The following CENPP variants were observed in gnomAD, a reference collection of about 807,000 sequenced individuals.
CENPP encodes centromere protein P.
CENPP carries 24 observed loss-of-function variants against 35.6 expected under a neutral mutation model. The ratio of observed to expected loss-of-function variants is 0.67; its 90% CI spans 0.49 to 0.95. CENPP has a LOEUF of 0.95. CENPP is among the 40% of genes least tolerant of loss of function. The pLI is 0.00. For synonymous variants in CENPP, 120 were observed against 125.5 expected, an observed-to-expected ratio of 0.96 and a Z score of 0.29; for missense variants, 332 against 345.3, an observed-to-expected ratio of 0.96 and a Z score of 0.31.
intron 5 of CENPP, among the ~76,000 whole-genome samples, chr9:92,446,993 T>TAA (rs2131013552): frequency 6.6e-6 from 1 of 152,086 alleles, no homozygotes; most frequent in Non-Finnish European, 1.5e-5. Flanking sequence ...ACAGAGTAGC[T>TAA]ACCTGTGGGG....
intron 5 of CENPP, among the ~76,000 whole-genome samples, chr9:92,540,964 T>C (rs1487269339): frequency 1.3e-5 from 2 of 151,818 alleles, no homozygotes; most frequent in East Asian, 3.9e-4. Flanking sequence ...ATTTTTTCTT[T>C]TTTAAAAAAT....
chr9:92,499,312 A>G (rs1405210421), intron 5 of CENPP, among the ~76,000 whole-genome samples: 1 of 152,194 alleles, frequency 6.6e-6, no homozygotes, highest in African/African-American at 2.4e-5. Flanking sequence ...GAAAGAACTG[A>G]GCTTTTTTCT....
In CENPP at chr9:92,495,904, T is replaced by C. The variant is rs79708497; in HGVS notation, c.565-115410T>C. ...ACACTTATTCATAAATTCTGCCTGC[T>C]TTTTTTGTTGTCATTATGCTTCTTA... On this transcript the variant is annotated intron_variant, in intron 5 of 7. Coordinates refer to ENST00000375587, the MANE Select transcript of CENPP (RefSeq NM_001012267.3). 1,082 of 983,848 alleles carry C rather than the reference T, an allele frequency of 1.1e-3. 8 individuals carry two copies. In the African/African-American group the frequency reaches 0.014, roughly 13 times the overall value. 60.9% of individuals were successfully genotyped at this position (983,848 alleles called of 1,614,324 possible).
intron 5 of CENPP, among the ~76,000 whole-genome samples, chr9:92,412,140 G>A (rs963676259): frequency 1.2e-4 from 19 of 152,002 alleles, no homozygotes; most frequent in Admixed American, 1.2e-3. Context: ...AGGGTGGAGT[G>A]CAGAAGCATG....
chr9:92,530,445 C>A (rs1220995072), intron 5 of CENPP, among the ~76,000 whole-genome samples: 1 of 151,894 alleles, frequency 6.6e-6, no homozygotes, highest in Non-Finnish European at 1.5e-5. Context: ...TCATTTTATG[C>A]CAATAAAAAG....
intron 5 of CENPP, among the ~76,000 whole-genome samples, chr9:92,557,674 T>G (rs1372219788): frequency 6.6e-6 from 1 of 152,150 alleles, no homozygotes; most frequent in Non-Finnish European, 1.5e-5. Context: ...GACAGAGTCT[T>G]GCTCTGTCGC....
rs991502691 is a variant in CENPP, at chr9:92,616,605, C to A, written c.*3456C>A. The A allele has an allele frequency of 2.0e-5, 3 of 152,914 alleles. No homozygotes were observed. The highest frequency in any genetic ancestry group is 7.2e-5 in the African/African-American group (3 of 41,444). The allele number at this position is 152,914 out of a possible 1,614,324, so 9.5% of individuals were successfully genotyped here. ...TCCTTTGGTTCACATTTGAAGAGAT[C>A]TGGTTTCTCATTTTATTCTCAAATT... On this transcript the variant is annotated 3_prime_UTR_variant, in exon 8 of 8. Coordinates refer to ENST00000375587, the MANE Select transcript of CENPP (RefSeq NM_001012267.3).
chr9:92,370,812 C>T (rs1841989625), intron 4 of CENPP, among the ~76,000 whole-genome samples: 1 of 152,120 alleles, frequency 6.6e-6, no homozygotes, highest in Admixed American at 6.6e-5. Flanking sequence ...TCTCACTACT[C>T]ATTATGTTCA....
intron 5 of CENPP, chr9:92,403,295 A>G (rs748135165): frequency 6.2e-7 from 1 of 1,611,624 alleles, no homozygotes; most frequent in Admixed American, 1.7e-5. Flanking sequence ...GGATTCTTCA[A>G]AATTATCTGT....
At chr9:92,335,345 T>A (rs1477707552) in intron 2 of CENPP, among the ~76,000 whole-genome samples, 1 of 152,112 alleles carries the variant, frequency 6.6e-6, no homozygotes, top group Non-Finnish European at 1.5e-5. Context: ...TTAGTAAGTC[T>A]CTCTCTGTCT....
At chr9:92,482,106 A>G (rs1214769938) in intron 5 of CENPP, among the ~76,000 whole-genome samples, 1 of 152,160 alleles carries the variant, frequency 6.6e-6, no homozygotes, top group Admixed American at 6.5e-5. Context: ...TATAGGTAAG[A>G]CATAAAACTA....
At position 92,618,504 on chromosome 9, in the gene CENPP, C is replaced by T. The variant is rs1227900198; in HGVS notation, c.*5355C>T. On this transcript the variant is annotated 3_prime_UTR_variant, in exon 8 of 8. Transcript: ENST00000375587. ...GGGCACCCTGCATCCAAGCACATTTCCATTGCCCAGCTGCATCCTTGGTCG... is the reference window on the plus strand; with the variant it reads ...GGGCACCCTGCATCCAAGCACATTTTCATTGCCCAGCTGCATCCTTGGTCG... 2 of 456,696 alleles carry T rather than the reference C, an allele frequency of 4.4e-6. No individual in the cohort carries two copies. Among genetic ancestry groups the T allele is most frequent in the South Asian group, 1.5e-5 (1 of 64,570 alleles). 28.3% of individuals were successfully genotyped at this position (456,696 alleles called of 1,614,324 possible).
chr9:92,335,078 C>T (rs1588034838), intron 2 of CENPP, among the ~76,000 whole-genome samples: 1 of 151,786 alleles, frequency 6.6e-6, no homozygotes, highest in Non-Finnish European at 1.5e-5. Context: ...ACCAGCTGCT[C>T]GGGAGGCAGA....
chr9:92,487,469 A>G (rs1470528269), intron 5 of CENPP, among the ~76,000 whole-genome samples: 2 of 152,248 alleles, frequency 1.3e-5, no homozygotes, highest in Non-Finnish European at 2.9e-5. Context: ...CCTTTTTATA[A>G]TAACAGAGAA....
At chr9:92,544,712 A>ATTT (rs150281438) in intron 5 of CENPP, among the ~76,000 whole-genome samples, 7 of 132,450 alleles carry the variant, frequency 5.3e-5, no homozygotes, top group East Asian at 2.3e-4. Flanking sequence ...ATCACTATAA[A>ATTT]TTTTTTTTTT....
chr9:92,545,817 G>A (rs1563997338), intron 5 of CENPP, among the ~76,000 whole-genome samples: 1 of 152,214 alleles, frequency 6.6e-6, no homozygotes, highest in Non-Finnish European at 1.5e-5. Context: ...GTTTGTAAAT[G>A]CACCAATCAG....
intron 6 of CENPP, 149 bp downstream of exon 6, chr9:92,611,542 T>C: frequency 1.5e-6 from 1 of 648,854 alleles, no homozygotes; most frequent in Non-Finnish European, 2.6e-6. Context: ...CCAGCAGATA[T>C]GCCCAGTATG....
At chr9:92,325,633 C>G (rs1840418472), upstream of CENPP, 1 of 236,528 alleles carries the variant, frequency 4.2e-6, no homozygotes. Flanking sequence ...GCGCTCCCCT[C>G]CACGTGATCC....
intron 4 of CENPP, among the ~76,000 whole-genome samples, chr9:92,363,436 T>C (rs2130838082): frequency 6.6e-6 from 1 of 152,350 alleles, no homozygotes; most frequent in Middle Eastern, 3.4e-3. Context: ...ATACTTAACA[T>C]TGTTTTACAA....
Sources: gnomAD v4.1 joint callset for allele counts (sites outside exome capture counted in the v4.1 genomes callset) on GRCh38, gnomAD v4.1.1 for gene constraint, MANE v1.5 for transcripts, NCBI Gene and HGNC (gene_info 2026-07-23, HGNC 2026-07-21) for gene names.